Variants in MIPOL1 observed in about 807,000 individuals in gnomAD.
The protein encoded by MIPOL1 is mirror-image polydactyly gene 1 protein.
In MIPOL1, 57 loss-of-function variants were observed where a neutral mutation model predicts 60.9. The observed-to-expected ratio is 0.94, with a 90% CI of 0.76 to 1.17. MIPOL1 has a LOEUF of 1.17. MIPOL1 is among the 50% of genes most tolerant of loss of function. The probability of loss-of-function intolerance (pLI) is 0.00; values close to 1 mark genes in which losing one functional copy is unlikely to be tolerated. For missense variants in MIPOL1, 551 were observed against 511.6 expected (o/e 1.08, Z -0.74); for synonymous variants, 179 against 168.8 (o/e 1.06, Z -0.47).
chr14:37,241,148 A>C (rs895680570), intron 1 of MIPOL1, among the ~76,000 whole-genome samples: 1 of 152,116 alleles, frequency 6.6e-6, no homozygotes, highest in African/African-American at 2.4e-5. Context: ...CTTGAGCCCC[A>C]AAAGAGTGAA....
chr14:37,379,503 A>G (rs1000922676), intron 10 of MIPOL1, among the ~76,000 whole-genome samples: 17 of 152,114 alleles, frequency 1.1e-4, no homozygotes, highest in Admixed American at 1.0e-3. Context: ...GTTTTAAAGT[A>G]TACCATCAAA....
chr14:37,313,877 G>A (rs1329260230), intron 9 of MIPOL1, among the ~76,000 whole-genome samples: 2 of 152,084 alleles, frequency 1.3e-5, no homozygotes, highest in African/African-American at 4.8e-5. Context: ...GCAGAAACTA[G>A]CACTGTTTCT....
At chr14:37,243,746 C>T (rs2153349634) in intron 1 of MIPOL1, among the ~76,000 whole-genome samples, 1 of 152,232 alleles carries the variant, frequency 6.6e-6, no homozygotes, top group African/African-American at 2.4e-5. Flanking sequence ...GATACTGTTA[C>T]ATTGGGGAAT....
At chr14:37,344,318 ATAAAT>A (rs2090786141) in intron 9 of MIPOL1, among the ~76,000 whole-genome samples, 1 of 151,984 alleles carries the variant, frequency 6.6e-6, no homozygotes, top group Non-Finnish European at 1.5e-5. Flanking sequence ...TATTTTTTAA[ATAAAT>A]TAAAAATAAA....
intron 10 of MIPOL1, among the ~76,000 whole-genome samples, chr14:37,376,965 T>G (rs2092793569): frequency 6.6e-6 from 1 of 152,170 alleles, no homozygotes; most frequent in Admixed American, 6.6e-5. Flanking sequence ...TTTTGTAGTC[T>G]TCTCAATTTA....
At chr14:37,238,966 T>C (rs1342451594) in intron 1 of MIPOL1, among the ~76,000 whole-genome samples, 2 of 151,118 alleles carry the variant, frequency 1.3e-5, no homozygotes, top group African/African-American at 2.4e-5. Context: ...AAAAAAGTAA[T>C]ATATATATTT....
At chr14:37,380,059 G>A (rs531764395) in intron 10 of MIPOL1, among the ~76,000 whole-genome samples, 3 of 152,140 alleles carry the variant, frequency 2.0e-5, no homozygotes, top group African/African-American at 7.2e-5. Context: ...GAAAGGGAAG[G>A]GAGCTAAGTC....
chr14:37,347,054 A>G (rs1199090469), intron 9 of MIPOL1, among the ~76,000 whole-genome samples: 1 of 151,996 alleles, frequency 6.6e-6, no homozygotes, highest in African/African-American at 2.4e-5. Context: ...GCAGCAAGAG[A>G]TACAAAACCA....
At chr14:37,365,496 G>T (rs1486226749) in intron 9 of MIPOL1, among the ~76,000 whole-genome samples, 2 of 152,070 alleles carry the variant, frequency 1.3e-5, no homozygotes, top group African/African-American at 2.4e-5. Context: ...CTCTGTTGAT[G>T]TGATGTATCA....
At chr14:37,362,294 A>G (rs939224819) in intron 9 of MIPOL1, among the ~76,000 whole-genome samples, 2 of 152,122 alleles carry the variant, frequency 1.3e-5, no homozygotes, top group Non-Finnish European at 2.9e-5. Context: ...AGCTCTTGTA[A>G]GGCAGGCCTG....
In MIPOL1 at chr14:37,348,825, T is replaced by C. The variant is rs2091129582; in HGVS notation, c.829-20692T>C. 1.7e-4 allele frequency among the ~76,000 whole-genome samples: 9 copies of C among 51,712 alleles called. No individual in the cohort carries two copies. In the South Asian group the frequency reaches 7.2e-3, roughly 41 times the overall value. The allele number at this position is 51,712 out of a possible 152,430, so 33.9% of individuals were successfully genotyped here. A position where few individuals can be genotyped will look rare whatever the true frequency, so the allele number is the denominator to read the frequency against. ...CCTTAGTCTATTCTTTTTTCCTTTT[T>C]TTGTTTTTTTTTTTTTTTTTTGGAC... On this transcript the variant is annotated intron_variant, in intron 9 of 12. Transcript: ENST00000684589.
intron 10 of MIPOL1, among the ~76,000 whole-genome samples, chr14:37,415,767 G>GATGTAACTGGCTGATGTA (rs2093757785): frequency 6.6e-6 from 1 of 152,180 alleles, no homozygotes; most frequent in South Asian, 2.1e-4. Context: ...TTAACTGGCT[G>GATGTAACTGGCTGATGTA]ACAAGTAAGT....
intron 11 of MIPOL1, among the ~76,000 whole-genome samples, chr14:37,481,560 A>AACACACACAC (rs3062719): frequency 0.013 from 1,425 of 113,166 alleles, 36 homozygotes; most frequent in African/African-American, 0.023. Flanking sequence ...GACCCCCCCC[A>AACACACACAC]ACACACACAC....
chr14:37,347,024 A>G (rs1043091228), intron 9 of MIPOL1, among the ~76,000 whole-genome samples: 1 of 152,202 alleles, frequency 6.6e-6, no homozygotes, highest in African/African-American at 2.4e-5. Context: ...ACCTAGATTA[A>G]TAAAACTTTA....
intron 7 of MIPOL1, among the ~76,000 whole-genome samples, chr14:37,297,321 A>C (rs568709796): frequency 6.6e-6 from 1 of 152,234 alleles, no homozygotes; most frequent in African/African-American, 2.4e-5. Flanking sequence ...AATAAGAGCT[A>C]TGTATGACAA....
chr14:37,451,016 A>G (rs1003308279), intron 11 of MIPOL1, among the ~76,000 whole-genome samples: 3 of 152,186 alleles, frequency 2.0e-5, no homozygotes, highest in African/African-American at 7.2e-5. Flanking sequence ...TGGTATTACA[A>G]CTGTATTTAT....
intron 9 of MIPOL1, among the ~76,000 whole-genome samples, chr14:37,361,359 G>T (rs1404074353): frequency 1.3e-5 from 2 of 152,068 alleles, no homozygotes; most frequent in African/African-American, 4.8e-5. Flanking sequence ...CTGCATTCAA[G>T]TCCTGGATAT....
chr14:37,504,027 A>G (rs1424112417), intron 12 of MIPOL1: 5 of 152,214 alleles, frequency 3.3e-5, no homozygotes, highest in African/African-American at 9.6e-5. Context: ...ACATAATGGT[A>G]AAGGGATCAC....
intron 9 of MIPOL1, among the ~76,000 whole-genome samples, chr14:37,310,325 A>G (rs2087208759): frequency 6.6e-6 from 1 of 152,050 alleles, no homozygotes; most frequent in South Asian, 2.1e-4. Flanking sequence ...TTGCCTGGCA[A>G]CTTCTTGCCT....
Sources: gnomAD v4.1 joint callset for allele counts (sites outside exome capture counted in the v4.1 genomes callset) on GRCh38, gnomAD v4.1.1 for gene constraint, MANE v1.5 for transcripts, NCBI Gene and HGNC (gene_info 2026-07-23, HGNC 2026-07-21) for gene names.